Variants in LRRC61 observed in about 807,000 individuals in gnomAD.
The protein encoded by LRRC61 is leucine-rich repeat-containing protein 61.
LRRC61 carries 9 observed loss-of-function variants against 15.1 expected under a neutral mutation model. The ratio of observed to expected loss-of-function variants is 0.60; its 90% CI spans 0.36 to 1.04. LRRC61 has a LOEUF of 1.04. LRRC61 is among the 50% of genes least tolerant of loss of function. The probability of loss-of-function intolerance (pLI) is 0.01; values close to 1 mark genes in which losing one functional copy is unlikely to be tolerated. For missense variants in LRRC61, 344 were observed against 335.6 expected (o/e 1.03, Z -0.20); for synonymous variants, 173 against 158.6 (o/e 1.09, Z -0.68).
At chr7:150,320,158 G>A (rs1462407327), upstream of LRRC61, among the ~76,000 whole-genome samples, 1 of 152,250 alleles carries the variant, frequency 6.6e-6, no homozygotes, top group Non-Finnish European at 1.5e-5. Context: ...GACCCCAAGG[G>A]CAGGTTCTTG....
the LRRC61 span, among the ~76,000 whole-genome samples, chr7:150,311,239 C>T: frequency 2.0e-5 from 3 of 152,206 alleles, no homozygotes; most frequent in Non-Finnish European, 4.4e-5. Flanking sequence ...CAACCTTTTT[C>T]CGTCCACACA....
chr7:150,337,133 A>T lies in LRRC61; in HGVS notation c.272A>T (p.Glu91Val). 6.2e-7 allele frequency: 1 copy of T among 1,611,942 alleles called. No individual in the cohort carries two copies. Among genetic ancestry groups the T allele is most frequent in the Non-Finnish European group, 8.5e-7 (1 of 1,180,006 alleles). ...TCCAACAATCGGCTGACGGGCCTGG[A>T]GCCACTGGCCACCTGTGAGAACTTG... ...NVSNNRLTGL[E>V]PLATCENLQS... Residue 91 changes from glutamate to valine, a missense_variant, in exon 3 of 3, where the codon GAG becomes GTG. Transcript: ENST00000359623.
rs745814930 is a variant in LRRC61 at position 150,330,470 on chromosome 7, C to T, written c.-145+4460C>T. On this transcript the variant is annotated intron_variant, in intron 2 of 2. Coordinates refer to ENST00000359623, the MANE Select transcript of LRRC61 (RefSeq NM_001142928.2). This position sits in a 1 kb window ranked among gnomAD's most constrained non-coding sequence, Gnocchi z 4.6. ...GCCAGGTGCTGCCCCAGCTGCGCTACCTGCACATCTTCCTGGAGCAGGTTC... is the reference window on the plus strand; with the variant it reads ...GCCAGGTGCTGCCCCAGCTGCGCTATCTGCACATCTTCCTGGAGCAGGTTC... 12 of 779,736 alleles carry T rather than the reference C, an allele frequency of 1.5e-5. No homozygotes were observed. In the South Asian group the frequency reaches 1.6e-4, roughly 10 times the overall value. 48.3% of individuals were successfully genotyped at this position (779,736 alleles called of 1,614,324 possible). A position where few individuals can be genotyped will look rare whatever the true frequency, so the allele number is the denominator to read the frequency against.
the LRRC61 span, among the ~76,000 whole-genome samples, chr7:150,318,142 G>A: frequency 1.3e-5 from 2 of 152,134 alleles, no homozygotes; most frequent in Non-Finnish European, 2.9e-5. Context: ...AAGCTATGAC[G>A]GTGAAAAGCA....
chr7:150,331,156 C>CA (rs1450109967), intron 2 of LRRC61: 1 of 1,541,576 alleles, frequency 6.5e-7, no homozygotes, highest in East Asian at 2.3e-5. Context: ...CCTTGTAGAG[C>CA]AAAACTCTTC....
At chr7:150,324,763 C>T (rs1797889174) in intron 1 of LRRC61, among the ~76,000 whole-genome samples, 2 of 152,180 alleles carry the variant, frequency 1.3e-5, no homozygotes, top group Non-Finnish European at 2.9e-5. Flanking sequence ...CCGCTCTTCC[C>T]AGGTCACCTT....
rs1563220785 is a variant in LRRC61, at chr7:150,323,508, C to T, written c.-367C>T. On this transcript the variant is annotated 5_prime_UTR_variant, in exon 1 of 3. Transcript: ENST00000359623. ...CCGGCTCTGCGGTGCGGAGTTGCGC[C>T]GGACTTCCCAGCTTGGCCAGTGGCT... 1 of 434,472 alleles carries T rather than the reference C, an allele frequency of 2.3e-6. No homozygotes were observed. Among genetic ancestry groups the T allele is most frequent in the Admixed American group, 2.5e-5 (1 of 39,820 alleles). The allele number at this position is 434,472 out of a possible 1,614,324, so 26.9% of individuals were successfully genotyped here. A position where few individuals can be genotyped will look rare whatever the true frequency, so the allele number is the denominator to read the frequency against.
Position 150,333,249 on chromosome 7 carries a change from A to C in LRRC61, c.-144-3469A>C, listed in dbSNP as rs377489714. Among the ~76,000 whole-genome samples, 7 of 152,332 alleles carry C rather than the reference A, an allele frequency of 4.6e-5. No homozygotes were observed. The East Asian group carries it at 9.6e-4, about 21-fold the overall frequency. On this transcript the variant is annotated intron_variant, in intron 2 of 2. Transcript: ENST00000359623. The surrounding 1 kb of genome is among the most constrained non-coding windows in gnomAD (Gnocchi z 4.3). ...CACCGAACCAGGGGGCTTGGGCTCT[A>C]GAACCTTCACTTTCATCTAGGCGCA...
intron 1 of LRRC61, 58 bp downstream of exon 1, chr7:150,323,618 C>G (rs907015962): frequency 4.4e-6 from 2 of 453,658 alleles, no homozygotes; most frequent in Non-Finnish European, 8.9e-6. Flanking sequence ...GGGGCCCGTG[C>G]CGGCCCCGGG....
At chr7:150,326,218 C>A (rs1014926334) in intron 2 of LRRC61, among the ~76,000 whole-genome samples, 2 of 152,212 alleles carry the variant, frequency 1.3e-5, no homozygotes, top group African/African-American at 4.8e-5. Context: ...CTCCTCTGTT[C>A]ATATCTTGAA....
At chr7:150,318,534 T>C (rs1585019909), upstream of LRRC61, among the ~76,000 whole-genome samples, 1 of 152,120 alleles carries the variant, frequency 6.6e-6, no homozygotes, top group Non-Finnish European at 1.5e-5. Context: ...GAGGCCAAGG[T>C]GGGCGGATCA....
the LRRC61 span, among the ~76,000 whole-genome samples, chr7:150,315,919 C>T: frequency 1.1e-4 from 16 of 152,152 alleles, no homozygotes; most frequent in Non-Finnish European, 2.2e-4. Flanking sequence ...ATGCATAGGC[C>T]GGCCGCGGTG....
chr7:150,321,303 C>T (rs1388999481), upstream of LRRC61, among the ~76,000 whole-genome samples: 1 of 152,230 alleles, frequency 6.6e-6, no homozygotes, highest in Admixed American at 6.5e-5. Context: ...TAAAGTCTCT[C>T]ACCTTAACAA....
intron 2 of LRRC61, chr7:150,332,205 T>C (rs1563226907): frequency 6.0e-6 from 1 of 166,920 alleles, no homozygotes; most frequent in Non-Finnish European, 1.5e-5. Context: ...TTGCTCAGAG[T>C]TCCTTTAGGG....
In LRRC61 at chr7:150,323,473, C is replaced by G. The variant is rs1405155626; in HGVS notation, c.-402C>G. 7.4e-6 allele frequency: 3 copies of G among 406,626 alleles called. No homozygotes were observed. Among genetic ancestry groups the G allele is most frequent in the East Asian group, 9.8e-5 (1 of 10,156 alleles). The allele number at this position is 406,626 out of a possible 1,614,324, so 25.2% of individuals were successfully genotyped here. A position where few individuals can be genotyped will look rare whatever the true frequency, so the allele number is the denominator to read the frequency against. ...CGGCGGGGCTGCGGCTCTTACCTGCCGAGGAGGCGCCGGCTCTGCGGTGCG... is the reference window on the plus strand; with the variant it reads ...CGGCGGGGCTGCGGCTCTTACCTGCGGAGGAGGCGCCGGCTCTGCGGTGCG... On this transcript the variant is annotated 5_prime_UTR_variant, in exon 1 of 3. Coordinates refer to ENST00000359623, the MANE Select transcript of LRRC61 (RefSeq NM_001142928.2).
In LRRC61 at chr7:150,335,486, G is replaced by A. The variant is rs911814317; in HGVS notation, c.-144-1232G>A. 3.9e-5 allele frequency among the ~76,000 whole-genome samples: 6 copies of A among 152,216 alleles called. No homozygotes were observed. The highest frequency in any genetic ancestry group is 5.9e-5 in the Non-Finnish European group (4 of 68,040). ...GGTGTAGAGGACATAAGGATGGCAA[G>A]ACCGTTTACATCCTCGCCAGCTCCC... On this transcript the variant is annotated intron_variant, in intron 2 of 2. Transcript: ENST00000359623. This position sits in a 1 kb window ranked among gnomAD's most constrained non-coding sequence, Gnocchi z 4.3.
At chr7:150,316,304 T>C in the LRRC61 span, among the ~76,000 whole-genome samples, 45,136 of 152,106 alleles carry the variant, frequency 0.3, 6,922 homozygotes, top group East Asian at 0.42. Context: ...TTATTCCATT[T>C]CATTAATCTG....
In LRRC61 at chr7:150,337,088, A is replaced by G. The variant is rs750196545; in HGVS notation, c.227A>G (p.Gln76Arg). ...THLGPLASLRQLAVLNVSNNR... is the reference protein window; with the variant it reads ...THLGPLASLRRLAVLNVSNNR... ...CTGGGCCCGCTGGCCTCCTTGCGCC[A>G]GCTAGCTGTGCTCAATGTCTCCAAC... Residue 76 changes from glutamine (Q) to arginine (R), a missense_variant, in exon 3 of 3, where the codon CAG becomes CGG. Physicochemically the swap from Gln to Arg is conservative, Grantham distance 43 (BLOSUM62 1). Coordinates refer to ENST00000359623, the MANE Select transcript of LRRC61 (RefSeq NM_001142928.2). 1.2e-5 allele frequency: 19 copies of G among 1,612,678 alleles called. No individual in the cohort carries two copies. The highest frequency in any genetic ancestry group is 1.5e-5 in the Non-Finnish European group (18 of 1,179,792).
chr7:150,330,774 C>G lies in LRRC61; in HGVS notation c.-145+4764C>G, dbSNP rs2129618269. ...CTCTTTGAACTCCCCAAGTCCCCTG[C>G]AAAGCCCCAGGGGTCTGTGCGTGGA... On this transcript the variant is annotated intron_variant, in intron 2 of 2. Transcript: ENST00000359623. The surrounding 1 kb of genome is among the most constrained non-coding windows in gnomAD (Gnocchi z 4.6). 1 of 1,613,796 alleles carries G rather than the reference C, an allele frequency of 6.2e-7. No individual in the cohort carries two copies.
Sources: gnomAD v4.1 joint callset for allele counts (sites outside exome capture counted in the v4.1 genomes callset) on GRCh38, gnomAD v4.1.1 for gene constraint, Gnocchi (gnomAD v3.1) non-coding constraint, MANE v1.5 for transcripts, NCBI Gene and HGNC (gene_info 2026-07-23, HGNC 2026-07-21) for gene names.